The following ADGRG6 variants were observed in gnomAD, a reference collection of about 807,000 sequenced individuals.
ADGRG6 encodes G-protein coupled receptor 126.
In ADGRG6, 84 loss-of-function variants were observed where a neutral mutation model predicts 142.4. That is an observed-to-expected ratio of 0.59 (90% confidence interval 0.49 to 0.71). The LOEUF is 0.71. ADGRG6 is among the 30% of genes least tolerant of loss of function. The probability of loss-of-function intolerance (pLI) is 0.00; values close to 1 mark genes in which losing one functional copy is unlikely to be tolerated. For synonymous variants in ADGRG6, 521 were observed against 520.5 expected (o/e 1.00, Z -0.01); for missense variants, 1,367 against 1,466.6 (o/e 0.93, Z 1.11).
intron 2 of ADGRG6, among the ~76,000 whole-genome samples, chr6:142,350,178 A>C (rs532565299): frequency 5.3e-5 from 8 of 152,374 alleles, no homozygotes; most frequent in African/African-American, 1.2e-4. Flanking sequence ...TGGAATGATA[A>C]TAGCACAAAG....
intron 22 of ADGRG6, among the ~76,000 whole-genome samples, chr6:142,435,327 G>A (rs1158038806): frequency 6.6e-6 from 1 of 151,968 alleles, no homozygotes; most frequent in Admixed American, 6.6e-5. Context: ...CTGAACTTAA[G>A]GTTCAGTTCA....
intron 2 of ADGRG6, among the ~76,000 whole-genome samples, chr6:142,341,476 AG>A (rs1779627986): frequency 8.4e-6 from 1 of 119,360 alleles, no homozygotes; most frequent in African/African-American, 3.3e-5. Context: ...AATATTATGT[AG>A]TATATATACT....
intron 8 of ADGRG6, among the ~76,000 whole-genome samples, 169 bp downstream of exon 8, chr6:142,393,169 T>G (rs1443191573): frequency 6.6e-6 from 1 of 152,178 alleles, no homozygotes; most frequent in South Asian, 2.1e-4. Flanking sequence ...AAAACCTCCA[T>G]GCTGCAGCGA....
rs527973217 is a variant in ADGRG6, at chr6:142,316,275, G to C, written c.103+6631G>C. ...TTCTCCTCCAAGTTTGGTGCTGCTG[G>C]TTTAGATAAAAGAGAAAAAGTGTTT... is the stretch of plus-strand genomic sequence containing the variant. On this transcript the variant is annotated intron_variant, in intron 2 of 24. Transcript: ENST00000367609. Among the ~76,000 whole-genome samples, 18 of 152,218 alleles carry C rather than the reference G, an allele frequency of 1.2e-4. No homozygotes were observed. In the South Asian group the frequency reaches 3.5e-3, roughly 30 times the overall value.
intron 2 of ADGRG6, among the ~76,000 whole-genome samples, chr6:142,320,399 A>G (rs1302025890): frequency 6.6e-6 from 1 of 152,100 alleles, no homozygotes; most frequent in Non-Finnish European, 1.5e-5. Flanking sequence ...GGATGCAACT[A>G]AACTAATAAT....
At chr6:142,327,246 A>C (rs1263471072) in intron 2 of ADGRG6, among the ~76,000 whole-genome samples, 1 of 152,068 alleles carries the variant, frequency 6.6e-6, no homozygotes, top group Non-Finnish European at 1.5e-5. Context: ...TGATAGGCAA[A>C]AAGATAAAAA....
intron 2 of ADGRG6, among the ~76,000 whole-genome samples, chr6:142,314,918 G>A (rs919665496): frequency 2.6e-5 from 4 of 151,586 alleles, no homozygotes; most frequent in African/African-American, 9.7e-5. Context: ...TCAGTATTGA[G>A]GAATTTGTAC....
At chr6:142,355,887 A>C (rs116197791) in intron 2 of ADGRG6, among the ~76,000 whole-genome samples, 1,999 of 152,296 alleles carry the variant, frequency 0.013, 45 homozygotes, top group African/African-American at 0.046. Flanking sequence ...TTATAATTAT[A>C]AAGTTTGGTG....
chr6:142,371,598 G>T (rs917169788), intron 4 of ADGRG6, among the ~76,000 whole-genome samples: 1 of 149,164 alleles, frequency 6.7e-6, no homozygotes, highest in Admixed American at 6.8e-5. Context: ...CCATTCTCCT[G>T]CCTCAGCCTA....
At chr6:142,430,219 C>T (rs768321006) in intron 22 of ADGRG6, among the ~76,000 whole-genome samples, 3 of 151,872 alleles carry the variant, frequency 2.0e-5, no homozygotes, top group South Asian at 2.1e-4. Flanking sequence ...ATTTATTATC[C>T]GAGGGAAGAA....
chr6:142,370,943 CT>C, intron 4 of ADGRG6, 150 bp downstream of exon 4: 2 of 825,474 alleles, frequency 2.4e-6, no homozygotes, highest in South Asian at 1.8e-5. Context: ...TTAAAAAGCT[CT>C]TTTAATTTTT....
intron 2 of ADGRG6, among the ~76,000 whole-genome samples, chr6:142,316,849 G>A (rs748173493): frequency 2.0e-5 from 3 of 152,042 alleles, no homozygotes; most frequent in East Asian, 1.9e-4. Flanking sequence ...CACTGAGGTT[G>A]TGGAAATGTA....
At chr6:142,384,143 A>G (rs927104191) in intron 6 of ADGRG6, among the ~76,000 whole-genome samples, 4 of 152,140 alleles carry the variant, frequency 2.6e-5, no homozygotes, top group African/African-American at 7.2e-5. Flanking sequence ...GTGCATCATA[A>G]TAGAGATCAG....
Position 142,381,942 on chromosome 6 carries a change from T to C in ADGRG6, c.1070-9T>C. ...ATCAAACTTACATATTCTTTTTGTG[T>C]TGATCAAGGTTCCTACCTGATCCCG... On this transcript the variant is annotated splice_polypyrimidine_tract_variant and intron_variant, in intron 4 of 24. Coordinates refer to ENST00000367609, the MANE Select transcript of ADGRG6 (RefSeq NM_198569.3). The C allele has an allele frequency of 6.4e-7, 1 of 1,556,440 alleles. No homozygotes were observed. The highest frequency in any genetic ancestry group is 1.2e-5 in the South Asian group (1 of 86,402).
chr6:142,432,440 C>G (rs1355147215), intron 22 of ADGRG6, among the ~76,000 whole-genome samples: 1 of 152,058 alleles, frequency 6.6e-6, no homozygotes, highest in South Asian at 2.1e-4. Flanking sequence ...ATTATAAATA[C>G]AATACCTTAA....
At chr6:142,432,667 G>A (rs971934070) in intron 22 of ADGRG6, among the ~76,000 whole-genome samples, 2 of 152,038 alleles carry the variant, frequency 1.3e-5, no homozygotes, top group African/African-American at 2.4e-5. Context: ...ATGATATAGG[G>A]CAGCACTATA....
At chr6:142,330,242 G>C (rs1326333873) in intron 2 of ADGRG6, among the ~76,000 whole-genome samples, 1 of 151,746 alleles carries the variant, frequency 6.6e-6, no homozygotes. Context: ...AATAACTAAT[G>C]GGCTTAATAC....
chr6:142,401,423 G>A (rs923549888), intron 11 of ADGRG6, among the ~76,000 whole-genome samples: 10 of 152,158 alleles, frequency 6.6e-5, no homozygotes, highest in African/African-American at 2.4e-4. Flanking sequence ...AGTTCTTAAA[G>A]CAGTACTTGG....
intron 2 of ADGRG6, among the ~76,000 whole-genome samples, chr6:142,355,358 A>G (rs9496351): frequency 0.014 from 2,084 of 152,184 alleles, 58 homozygotes; most frequent in African/African-American, 0.047. Context: ...ATAATAATAT[A>G]CCTATTATTA....
Sources: allele counts gnomAD v4.1 joint callset (sites outside exome capture counted in the v4.1 genomes callset), GRCh38; gene constraint gnomAD v4.1.1; transcripts MANE v1.5; gene names NCBI Gene and HGNC (gene_info 2026-07-23, HGNC 2026-07-21).